Variants in STK3 observed in about 807,000 individuals in gnomAD.
The protein encoded by STK3 is serine/threonine kinase 3.
A neutral mutation model predicts 58.0 loss-of-function variants in STK3; 41 were observed. The ratio of observed to expected loss-of-function variants is 0.71; its 90% CI spans 0.55 to 0.92. The LOEUF is 0.92. STK3 is among the 40% of genes least tolerant of loss of function. The pLI, the probability that STK3 is intolerant of heterozygous loss-of-function variation, is 0.00. For synonymous variants in STK3, 170 were observed against 191.0 expected (o/e 0.89, Z 0.91); for missense variants, 479 against 602.7 (o/e 0.79, Z 2.15).
intron 8 of STK3, among the ~76,000 whole-genome samples, chr8:98,576,239 A>G (rs1813388933): frequency 6.6e-6 from 1 of 152,188 alleles, no homozygotes; most frequent in Admixed American, 6.5e-5. Context: ...CAGACTTTCT[A>G]TTCTATTCCC....
downstream of STK3, among the ~76,000 whole-genome samples, chr8:98,399,027 C>G (rs1817920790): frequency 6.6e-6 from 1 of 152,218 alleles, no homozygotes; most frequent in Non-Finnish European, 1.5e-5. Context: ...TACAGACGTT[C>G]ACTGCATGTA....
At chr8:98,481,097 C>T (rs976363968) in intron 10 of STK3, among the ~76,000 whole-genome samples, 2 of 151,806 alleles carry the variant, frequency 1.3e-5, no homozygotes, top group African/African-American at 4.8e-5. Flanking sequence ...TTAACTGTAT[C>T]TTTTGATACG....
At chr8:98,693,576 C>T (rs1041386131) in intron 6 of STK3, among the ~76,000 whole-genome samples, 1 of 152,008 alleles carries the variant, frequency 6.6e-6, no homozygotes, top group Non-Finnish European at 1.5e-5. Context: ...TACAGTCCTG[C>T]CAACACTTTG....
At chr8:98,676,392 C>T (rs762933437) in intron 6 of STK3, among the ~76,000 whole-genome samples, 3 of 152,080 alleles carry the variant, frequency 2.0e-5, no homozygotes, top group East Asian at 1.9e-4. Context: ...TGGGATCACC[C>T]GAGGTCAGGA....
chr8:98,633,717 G>A, intron 6 of STK3: 1 of 670,660 alleles, frequency 1.5e-6, no homozygotes, highest in Non-Finnish European at 2.8e-6. Context: ...ACAGACATCT[G>A]GAGGATCTGT....
At chr8:98,491,529 C>G (rs1028105079) in intron 10 of STK3, among the ~76,000 whole-genome samples, 2 of 152,040 alleles carry the variant, frequency 1.3e-5, no homozygotes, top group Non-Finnish European at 2.9e-5. Context: ...CAACCTCCAC[C>G]TCCCGGGTTC....
At chr8:98,426,751 C>T (rs937211601) in intron 3 of STK3, among the ~76,000 whole-genome samples, 5 of 152,190 alleles carry the variant, frequency 3.3e-5, no homozygotes, top group Non-Finnish European at 7.4e-5. Context: ...GTAGGCAGCC[C>T]CCTGCCTGCG....
At chr8:98,656,007 A>G (rs1821469704) in intron 6 of STK3, among the ~76,000 whole-genome samples, 1 of 151,562 alleles carries the variant, frequency 6.6e-6, no homozygotes, top group African/African-American at 2.4e-5. Context: ...AGGACTATAA[A>G]TCATGTTGCT....
At chr8:98,788,132 A>T (rs146625224) in intron 1 of STK3, among the ~76,000 whole-genome samples, 112 of 152,306 alleles carry the variant, frequency 7.4e-4, no homozygotes, top group African/African-American at 2.3e-3. Flanking sequence ...TAAATAGCCT[A>T]AACATTCCAC....
chr8:98,650,175 A>G (rs1820767240), intron 6 of STK3, among the ~76,000 whole-genome samples: 2 of 152,202 alleles, frequency 1.3e-5, no homozygotes, highest in Non-Finnish European at 2.9e-5. Context: ...AATAAAATGT[A>G]TTTTTCCTCT....
At chr8:98,585,954 G>C (rs896735296) in intron 7 of STK3, among the ~76,000 whole-genome samples, 4 of 152,116 alleles carry the variant, frequency 2.6e-5, no homozygotes, top group Admixed American at 2.6e-4. Flanking sequence ...TTTGTATCCT[G>C]AAACTTTGCT....
intron 3 of STK3, among the ~76,000 whole-genome samples, chr8:98,418,963 T>C (rs1818142471): frequency 6.6e-6 from 1 of 152,262 alleles, no homozygotes; most frequent in South Asian, 2.1e-4. Flanking sequence ...CCTTGGTGCC[T>C]GCATGGTGTT....
At position 98,562,737 on chromosome 8, in the gene STK3, G is replaced by GAAAA. The variant is rs778049177; in HGVS notation, c.949-14580_949-14577dup. ...TAAGACTCCCATCTCCACAAAAAAT[G>GAAAA]AAAAAAAAAAAAAAAAAAAAAAAAA... is the stretch of plus-strand genomic sequence containing the variant. On this transcript the variant is annotated intron_variant, in intron 8 of 10. Transcript: ENST00000419617. Among the ~76,000 whole-genome samples the GAAAA allele has an allele frequency of 6.4e-3, 111 of 17,382 alleles. 27 individuals carry two copies. Among genetic ancestry groups the GAAAA allele is most frequent in the African/African-American group, 0.029 (101 of 3,432 alleles). 11.4% of individuals were successfully genotyped at this position (17,382 alleles called of 152,430 possible).
intron 3 of STK3, among the ~76,000 whole-genome samples, chr8:98,873,609 C>T (rs572585360): frequency 3.6e-4 from 55 of 151,596 alleles, no homozygotes; most frequent in Admixed American, 3.2e-3. Flanking sequence ...TTCTTTGTCT[C>T]TTTTAATCTT....
chr8:98,544,649 AACACACACACACACAC>A lies in STK3; in HGVS notation c.1141+3304_1141+3319del, dbSNP rs59159370. 5.3e-3 allele frequency among the ~76,000 whole-genome samples: 727 copies of A among 137,598 alleles called. 4 individuals are homozygous for A. Among genetic ancestry groups the A allele is most frequent in the Admixed American group, 0.01 (139 of 13,610 alleles). 90.3% of individuals were successfully genotyped at this position (137,598 alleles called of 152,430 possible). A position where few individuals can be genotyped will look rare whatever the true frequency, so the allele number is the denominator to read the frequency against. ...AGCTATGTATCTTTAATTCTACTAT[AACACACACACACACAC>A]ACACACACACACACACACACACACA... On this transcript the variant is annotated intron_variant, in intron 9 of 10. Transcript: ENST00000419617.
chr8:98,353,270 A>G, the STK3 span, among the ~76,000 whole-genome samples: 1 of 152,150 alleles, frequency 6.6e-6, no homozygotes, highest in East Asian at 1.9e-4. Flanking sequence ...GCCCAGGAGT[A>G]CAAGATCAAC....
intron 8 of STK3, among the ~76,000 whole-genome samples, chr8:98,548,809 A>C (rs2070537631): frequency 6.6e-6 from 1 of 152,128 alleles, no homozygotes; most frequent in African/African-American, 2.4e-5. Flanking sequence ...TTCATACCAT[A>C]GTACTAATTC....
At chr8:98,363,556 T>C in the STK3 span, among the ~76,000 whole-genome samples, 3 of 152,004 alleles carry the variant, frequency 2.0e-5, no homozygotes, top group East Asian at 1.9e-4. Context: ...AATCACTAAG[T>C]ACCAGATATG....
intron 10 of STK3, among the ~76,000 whole-genome samples, chr8:98,518,672 T>C (rs1825126965): frequency 6.6e-6 from 1 of 152,118 alleles, no homozygotes; most frequent in African/African-American, 2.4e-5. Flanking sequence ...AAATTCTACA[T>C]GGACCTAGAC....
Sources: gnomAD v4.1 joint callset for allele counts (sites outside exome capture counted in the v4.1 genomes callset) on GRCh38, gnomAD v4.1.1 for gene constraint, MANE v1.5 for transcripts, NCBI Gene and HGNC (gene_info 2026-07-23, HGNC 2026-07-21) for gene names.